The following PLB1 variants were observed in gnomAD, a reference collection of about 807,000 sequenced individuals.
PLB1 encodes phospholipase B1, membrane-associated.
Under a neutral mutation model 227.4 loss-of-function variants are expected in PLB1, and 242 were observed. The ratio of observed to expected loss-of-function variants is 1.06; its 90% CI spans 0.96 to 1.18. The LOEUF is 1.18. Ranked by LOEUF, PLB1 falls within the 50% of genes most tolerant of loss-of-function variation. PLB1 has a pLI of 0.00. For missense variants in PLB1, 1,858 were observed against 1,816.3 expected, an observed-to-expected ratio of 1.02 and a Z score of -0.42; for synonymous variants, 757 against 682.2, an observed-to-expected ratio of 1.11 and a Z score of -1.71.
At chr2:28,547,440 T>C (rs1673469884) in intron 14 of PLB1, among the ~76,000 whole-genome samples, 1 of 152,230 alleles carries the variant, frequency 6.6e-6, no homozygotes, top group Admixed American at 6.5e-5. Flanking sequence ...AATGTTCAGC[T>C]AATTATACCT....
chr2:28,604,508 G>A, intron 40 of PLB1, 147 bp from the exon 41 acceptor site: 1 of 599,438 alleles, frequency 1.7e-6, no homozygotes, highest in Non-Finnish European at 3.0e-6. Context: ...AAAGGGACTT[G>A]CCCTCAGGTG....
intron 43 of PLB1, among the ~76,000 whole-genome samples, chr2:28,609,403 C>T (rs1461881789): frequency 6.6e-6 from 1 of 151,964 alleles, no homozygotes; most frequent in Non-Finnish European, 1.5e-5. Context: ...GATGCTCTAT[C>T]TGGTATAAGG....
intron 16 of PLB1, among the ~76,000 whole-genome samples, chr2:28,550,829 T>C (rs1674131211): frequency 1.3e-5 from 2 of 152,094 alleles, no homozygotes; most frequent in African/African-American, 4.8e-5. Flanking sequence ...TGTGAGCCAC[T>C]ACGCCCAGCC....
At chr2:28,616,518 G>A (rs184806849) in intron 44 of PLB1, among the ~76,000 whole-genome samples, 1 of 152,350 alleles carries the variant, frequency 6.6e-6, no homozygotes, top group Admixed American at 6.5e-5. Flanking sequence ...CACTGATTTT[G>A]GGTGTGGTGC....
At chr2:28,631,962 C>A in intron 54 of PLB1, 74 bp from the exon 55 acceptor site, 2 of 1,295,082 alleles carry the variant, frequency 1.5e-6, no homozygotes, top group Non-Finnish European at 2.2e-6. Context: ...AACAACCAAT[C>A]CAAGGCAGCA....
chr2:28,502,579 C>T (rs1667221130), intron 1 of PLB1, among the ~76,000 whole-genome samples: 1 of 152,138 alleles, frequency 6.6e-6, no homozygotes, highest in Non-Finnish European at 1.5e-5. Flanking sequence ...GGCGTAAAAT[C>T]AAGTTGATCA....
chr2:28,510,989 C>T (rs1183666274), intron 1 of PLB1, among the ~76,000 whole-genome samples: 1 of 152,120 alleles, frequency 6.6e-6, no homozygotes, highest in Admixed American at 6.5e-5. Context: ...TTCACCACCT[C>T]ATCCTGCCCA....
chr2:28,574,344 C>T (rs547923496), intron 21 of PLB1, among the ~76,000 whole-genome samples: 1 of 125,236 alleles, frequency 8.0e-6, no homozygotes, highest in African/African-American at 2.7e-5. Flanking sequence ...TCACCCCCCC[C>T]ACCCTTCCTC....
chr2:28,543,230 G>A lies in PLB1; in HGVS notation c.898G>A (p.Asp300Asn), dbSNP rs780534685. Residue 300 changes from aspartate (D) to asparagine (N), a missense_variant, in exon 14 of 58, where the codon GAT (aspartate) becomes AAT (asparagine). Coordinates refer to ENST00000327757, the MANE Select transcript of PLB1 (RefSeq NM_153021.5). ...CTTTTAGGAGGACCCCCGACTCCAG[G>A]ATTCTACCACGCTGGCCTGGCATCT... Reference protein sequence around the residue: ...SLHSEDPRLQDSTTLAWHLWN... With the variant: ...SLHSEDPRLQNSTTLAWHLWN... 1 of 1,612,100 alleles carries A rather than the reference G, an allele frequency of 6.2e-7. No homozygotes were observed. Among genetic ancestry groups the A allele is most frequent in the East Asian group, 2.2e-5 (1 of 44,872 alleles).
intron 17 of PLB1, among the ~76,000 whole-genome samples, chr2:28,557,261 T>G (rs1675294249): frequency 1.3e-5 from 2 of 152,114 alleles, no homozygotes; most frequent in Non-Finnish European, 2.9e-5. Context: ...AGCCTTTAAT[T>G]CCAGTTAACA....
intron 49 of PLB1, among the ~76,000 whole-genome samples, chr2:28,621,383 G>C (rs766098738): frequency 1.3e-5 from 2 of 152,166 alleles, no homozygotes; most frequent in Non-Finnish European, 2.9e-5. Flanking sequence ...TCAGCACCTC[G>C]ACAACTGAGT....
chr2:28,600,727 G>C, intron 35 of PLB1, 82 bp from the exon 36 acceptor site: 1 of 1,347,268 alleles, frequency 7.4e-7, no homozygotes, highest in South Asian at 1.2e-5. Context: ...TGATACTGTA[G>C]AAGCCTCTGG....
intron 9 of PLB1, among the ~76,000 whole-genome samples, chr2:28,532,536 A>G (rs144683494): frequency 6.6e-6 from 1 of 152,214 alleles, no homozygotes; most frequent in Non-Finnish European, 1.5e-5. Context: ...TACATATGAC[A>G]TGCATTCATA....
In PLB1 at chr2:28,607,241, A is replaced by T. The variant is rs577686319; in HGVS notation, c.3129+674A>T. ...TTTTTAACCAAATAAGGCCAAGGCC[A>T]GAAAACCCTCAGCAGCAATAAAAGC... On this transcript the variant is annotated intron_variant, in intron 43 of 57. Coordinates refer to ENST00000327757, the MANE Select transcript of PLB1 (RefSeq NM_153021.5). 7.2e-5 allele frequency among the ~76,000 whole-genome samples: 11 copies of T among 152,314 alleles called. No homozygotes were observed. In the East Asian group the frequency reaches 2.1e-3, roughly 29 times the overall value.
At chr2:28,549,338 G>A (rs773380917) in intron 15 of PLB1, among the ~76,000 whole-genome samples, 3 of 150,592 alleles carry the variant, frequency 2.0e-5, no homozygotes, top group Non-Finnish European at 4.4e-5. Context: ...TGCCTAGTAT[G>A]TAGTAGGCTT....
At chr2:28,578,890 G>A (rs931665662) in intron 22 of PLB1, among the ~76,000 whole-genome samples, 6 of 152,044 alleles carry the variant, frequency 3.9e-5, no homozygotes, top group African/African-American at 7.2e-5. Flanking sequence ...CGCTCTTTTG[G>A]AAGTGTAGAT....
chr2:28,590,939 A>C (rs1290586942), intron 29 of PLB1, among the ~76,000 whole-genome samples, 194 bp from the exon 30 acceptor site: 1 of 152,186 alleles, frequency 6.6e-6, no homozygotes, highest in African/African-American at 2.4e-5. Context: ...ATTGATGCTC[A>C]TTCTTTGTGC....
intron 9 of PLB1, among the ~76,000 whole-genome samples, chr2:28,533,091 A>G (rs1404304268): frequency 6.6e-6 from 1 of 152,146 alleles, no homozygotes; most frequent in Non-Finnish European, 1.5e-5. Context: ...GGGCACAGGC[A>G]TGGTGGAGCT....
At chr2:28,571,310 C>T (rs1031707748) in intron 20 of PLB1, among the ~76,000 whole-genome samples, 3 of 151,950 alleles carry the variant, frequency 2.0e-5, no homozygotes, top group African/African-American at 7.3e-5. Context: ...AAATTAAAGA[C>T]CTAAATAAGT....
Sources: allele counts gnomAD v4.1 joint callset (sites outside exome capture counted in the v4.1 genomes callset), GRCh38; gene constraint gnomAD v4.1.1; transcripts MANE v1.5; gene names NCBI Gene and HGNC (gene_info 2026-07-23, HGNC 2026-07-21).